SMIM23: variants seen among roughly 807,000 people sequenced by gnomAD.
SMIM23 encodes the protein small integral membrane protein 23.
Under a neutral mutation model 12.8 loss-of-function variants are expected in SMIM23, and 10 were observed. The observed-to-expected ratio is 0.78, with a 90% CI of 0.48 to 1.32. The LOEUF (loss-of-function observed/expected upper bound fraction) is 1.32. Among genes scored for constraint, SMIM23 ranks in the 40% most tolerant of loss-of-function variants. SMIM23 has a pLI of 0.00. For missense variants in SMIM23, 184 were observed against 198.2 expected (o/e 0.93, Z 0.43); for synonymous variants, 78 against 80.1 (o/e 0.97, Z 0.14).
chr5:171,782,244 T>TGC (rs1404304056), upstream of SMIM23, among the ~76,000 whole-genome samples: 3 of 152,206 alleles, frequency 2.0e-5, no homozygotes. Flanking sequence ...GGAGGGAAGA[T>TGC]GGTTATGTTG....
the SMIM23 span, chr5:171,774,412 A>G: frequency 2.2e-6 from 1 of 456,308 alleles, no homozygotes; most frequent in East Asian, 6.9e-5. Flanking sequence ...TAGCAGAAAC[A>G]ATATGGGAAC....
upstream of SMIM23, among the ~76,000 whole-genome samples, chr5:171,779,818 G>C (rs1755696622): frequency 6.6e-6 from 1 of 151,950 alleles, no homozygotes; most frequent in Non-Finnish European, 1.5e-5. Context: ...AGGGAGAGAG[G>C]AGAGGAAGGA....
chr5:171,790,194 C>A, intron 1 of SMIM23, 36 bp from the exon 2 acceptor site: 1 of 1,532,684 alleles, frequency 6.5e-7, no homozygotes, highest in South Asian at 1.2e-5. Context: ...AATTCATCCT[C>A]ATGTTCTTCC....
the SMIM23 span, among the ~76,000 whole-genome samples, chr5:171,775,041 C>T: frequency 5.9e-5 from 9 of 152,164 alleles, no homozygotes; most frequent in African/African-American, 1.7e-4. Context: ...ATGCCATACA[C>T]GGATGTTTTG....
At chr5:171,787,865 A>G (rs1186918132) in intron 1 of SMIM23, among the ~76,000 whole-genome samples, 1 of 152,146 alleles carries the variant, frequency 6.6e-6, no homozygotes, top group Admixed American at 6.5e-5. Context: ...CATACCATGT[A>G]TACCTTTGTG....
intron 1 of SMIM23, among the ~76,000 whole-genome samples, chr5:171,787,373 T>C (rs1755838390): frequency 6.6e-6 from 1 of 152,134 alleles, no homozygotes; most frequent in Admixed American, 6.6e-5. Context: ...AAACTGAGGC[T>C]CAGAGAAATT....
chr5:171,789,849 G>C (rs1755889436), intron 1 of SMIM23, among the ~76,000 whole-genome samples: 1 of 152,158 alleles, frequency 6.6e-6, no homozygotes, highest in Admixed American at 6.5e-5. Context: ...TCTACATCTT[G>C]ATTGGGGTGA....
At chr5:171,780,189 G>T (rs984002215), upstream of SMIM23, among the ~76,000 whole-genome samples, 2 of 152,068 alleles carry the variant, frequency 1.3e-5, no homozygotes, top group African/African-American at 4.8e-5. Flanking sequence ...TTATTCCCCT[G>T]GAAATCTTTA....
the SMIM23 span, among the ~76,000 whole-genome samples, chr5:171,772,861 T>C: frequency 6.6e-6 from 1 of 152,224 alleles, no homozygotes; most frequent in Admixed American, 6.5e-5. Context: ...GACAAGTGGT[T>C]TTCTCAGAAG....
chr5:171,783,602 C>G (rs1441691956), upstream of SMIM23, among the ~76,000 whole-genome samples: 3 of 150,136 alleles, frequency 2.0e-5, no homozygotes, highest in South Asian at 2.1e-4. Flanking sequence ...GCTATACAAC[C>G]AAAAAAACAA....
At chr5:171,785,119 C>T (rs908120718), upstream of SMIM23, among the ~76,000 whole-genome samples, 2 of 151,990 alleles carry the variant, frequency 1.3e-5, no homozygotes, top group Admixed American at 1.3e-4. Context: ...TGACTATTGT[C>T]CTAAGTAAGC....
intron 1 of SMIM23, among the ~76,000 whole-genome samples, chr5:171,786,185 A>G (rs766470254): frequency 1.1e-4 from 16 of 152,204 alleles, no homozygotes; most frequent in Admixed American, 6.5e-5. Context: ...CACTGCCAGC[A>G]GAAGGTATGT....
upstream of SMIM23, chr5:171,782,388 G>C (rs1052847238): frequency 2.0e-5 from 3 of 152,256 alleles, no homozygotes; most frequent in African/African-American, 7.2e-5. Context: ...AGACGTTGGA[G>C]TTAAATAGAC....
At chr5:171,773,018 A>G in the SMIM23 span, among the ~76,000 whole-genome samples, 12 of 152,130 alleles carry the variant, frequency 7.9e-5, no homozygotes, top group Non-Finnish European at 1.6e-4. Context: ...GTTTGCCTTC[A>G]AGGACACAAA....
In SMIM23 at chr5:171,790,992, T is replaced by G. The variant is rs1755915080; in HGVS notation, c.423T>G (p.Tyr141Ter). 6.5e-7 allele frequency: 1 copy of G among 1,535,710 alleles called. No individual in the cohort carries two copies. Among genetic ancestry groups the G allele is most frequent in the Non-Finnish European group, 8.7e-7 (1 of 1,146,866 alleles). ...EPHQEEHCST[Y>*]KSHLWEWAWA... ...ACCAGGAGGAGCACTGCTCCACATA[T>G]AAAAGTCACTTGTGGGAGTGGGCCT... is the stretch of plus-strand genomic sequence containing the variant. Residue 141 changes from tyrosine (Y) to a stop codon, truncating the protein, a stop_gained, in exon 4 of 4, where the codon TAT becomes TAG. Coordinates refer to ENST00000523047, the MANE Select transcript of SMIM23 (RefSeq NM_001289970.2). LOFTEE classifies it low-confidence loss of function (END_TRUNC).
At chr5:171,779,873 G>C (rs553999303), upstream of SMIM23, among the ~76,000 whole-genome samples, 5 of 151,846 alleles carry the variant, frequency 3.3e-5, no homozygotes, top group Admixed American at 1.3e-4. Flanking sequence ...GAGGGAGAAG[G>C]GGGGAAGAGA....
At chr5:171,789,589 C>T (rs1276940395) in intron 1 of SMIM23, among the ~76,000 whole-genome samples, 1 of 152,064 alleles carries the variant, frequency 6.6e-6, no homozygotes, top group East Asian at 1.9e-4. Context: ...AAATACTCAT[C>T]AATAAAATAC....
chr5:171,784,998 G>A (rs1488354584), upstream of SMIM23, among the ~76,000 whole-genome samples: 1 of 152,150 alleles, frequency 6.6e-6, no homozygotes, highest in Non-Finnish European at 1.5e-5. Flanking sequence ...TAGAAAGAGA[G>A]AGCAGATGAG....
upstream of SMIM23, among the ~76,000 whole-genome samples, chr5:171,784,310 C>G (rs1242034940): frequency 1.4e-5 from 2 of 146,650 alleles, no homozygotes; most frequent in Admixed American, 6.7e-5. Context: ...TCAAGACCAT[C>G]CTGGCTAACA....
Sources: allele counts gnomAD v4.1 joint callset (sites outside exome capture counted in the v4.1 genomes callset), GRCh38; gene constraint gnomAD v4.1.1; transcripts MANE v1.5; gene names NCBI Gene and HGNC (gene_info 2026-07-23, HGNC 2026-07-21).